DKK2: variants seen among roughly 807,000 people sequenced by gnomAD.
The protein encoded by DKK2 is dickkopf-related protein 2.
DKK2 carries 11 observed loss-of-function variants against 28.1 expected under a neutral mutation model. The ratio of observed to expected loss-of-function variants is 0.39; its 90% CI spans 0.25 to 0.65. DKK2 has a LOEUF of 0.65. Ranked by LOEUF, DKK2 falls within the 30% of genes least tolerant of loss-of-function variation. The pLI is 0.47. For synonymous variants in DKK2, 135 were observed against 126.5 expected, an observed-to-expected ratio of 1.07 and a Z score of -0.45; for missense variants, 326 against 335.5, an observed-to-expected ratio of 0.97 and a Z score of 0.22.
intron 1 of DKK2, among the ~76,000 whole-genome samples, chr4:106,967,864 A>G (rs1480997907): frequency 6.6e-6 from 1 of 151,292 alleles, no homozygotes; most frequent in East Asian, 1.9e-4. Context: ...CAAGGGAAGA[A>G]GGAGGGAAGC....
intron 1 of DKK2, among the ~76,000 whole-genome samples, chr4:106,967,634 G>C (rs1722802468): frequency 6.6e-6 from 1 of 152,060 alleles, no homozygotes; most frequent in Non-Finnish European, 1.5e-5. Flanking sequence ...TGTCTTCTCT[G>C]CCAGGGCTTT....
rs1723947023 is a variant in DKK2 at position 107,035,370 on chromosome 4, C to T, written c.222G>A (p.Gln74=). ...AGAATGTGTTTGGGGGTTTTCCTAC[C>T]TGCCCCAGGTTTTTGCCCTTCTTAC... ...GGSKKGKNLG[Q]AYPCSSDKEC... Residue 74 remains glutamine (Q), a splice_region_variant and synonymous_variant, in exon 1 of 4, where the codon CAG becomes CAA. Transcript: ENST00000285311. The T allele has an allele frequency of 6.2e-7, 1 of 1,613,990 alleles. No individual in the cohort carries two copies. Among genetic ancestry groups the T allele is most frequent in the Non-Finnish European group, 8.5e-7 (1 of 1,179,936 alleles).
chr4:106,951,800 A>C (rs762803617), intron 1 of DKK2, among the ~76,000 whole-genome samples: 2 of 152,158 alleles, frequency 1.3e-5, no homozygotes, highest in Non-Finnish European at 2.9e-5. Context: ...TCAGGGGCTT[A>C]ATTATTCTTT....
At chr4:106,998,812 AT>A (rs1270737203) in intron 1 of DKK2, among the ~76,000 whole-genome samples, 1 of 152,198 alleles carries the variant, frequency 6.6e-6, no homozygotes, top group Non-Finnish European at 1.5e-5. Context: ...TATTAGGAAG[AT>A]TACATCTAAA....
chr4:106,951,557 A>C (rs1222283906), intron 1 of DKK2, among the ~76,000 whole-genome samples: 1 of 152,204 alleles, frequency 6.6e-6, no homozygotes. Flanking sequence ...CTTTATGTTA[A>C]GTGAAATAAG....
intron 1 of DKK2, among the ~76,000 whole-genome samples, chr4:106,935,043 A>G (rs1451390946): frequency 2.0e-5 from 3 of 152,046 alleles, no homozygotes; most frequent in Non-Finnish European, 2.9e-5. Flanking sequence ...GGATTGCTCA[A>G]CAGTGATCAC....
intron 1 of DKK2, among the ~76,000 whole-genome samples, chr4:106,995,681 C>T (rs1020096329): frequency 4.6e-5 from 7 of 152,162 alleles, no homozygotes; most frequent in African/African-American, 7.2e-5. Context: ...GGCGCGATCT[C>T]GGCTCACTGC....
intron 1 of DKK2, 125 bp from the exon 2 acceptor site, chr4:106,926,074 A>G: frequency 9.7e-7 from 1 of 1,031,924 alleles, no homozygotes; most frequent in Admixed American, 3.3e-5. Context: ...GAACTATACC[A>G]TCATCATAAT....
intron 1 of DKK2, among the ~76,000 whole-genome samples, chr4:107,009,071 G>A (rs1057409138): frequency 6.6e-6 from 1 of 151,928 alleles, no homozygotes; most frequent in Non-Finnish European, 1.5e-5. Context: ...AAGGGTTACT[G>A]TGATAGAACC....
chr4:106,981,300 T>C (rs777866281), intron 1 of DKK2, among the ~76,000 whole-genome samples: 6 of 152,230 alleles, frequency 3.9e-5, no homozygotes, highest in Non-Finnish European at 7.4e-5. Flanking sequence ...TTCTAGCCTT[T>C]AATTGGGAAA....
chr4:106,960,950 T>C (rs1246541361), intron 1 of DKK2, among the ~76,000 whole-genome samples: 2 of 152,150 alleles, frequency 1.3e-5, no homozygotes, highest in Admixed American at 6.6e-5. Flanking sequence ...AATAGTAAAA[T>C]TATATTGTCA....
At chr4:106,978,826 T>A (rs1463049360) in intron 1 of DKK2, among the ~76,000 whole-genome samples, 1 of 151,498 alleles carries the variant, frequency 6.6e-6, no homozygotes, top group South Asian at 2.1e-4. Flanking sequence ...CTCCTGCAGC[T>A]AGCTCAGTGT....
At position 107,035,900 on chromosome 4, in the gene DKK2, C is replaced by T; in HGVS notation, c.-309G>A. On this transcript the variant is annotated 5_prime_UTR_variant, in exon 1 of 4. Transcript: ENST00000285311. ...TGACCCAAGGTGCAAGAAAACCCAG[C>T]CCTGTGGATCGCACCGCTTCCGTTC... 2.4e-6 allele frequency: 1 copy of T among 415,990 alleles called. No homozygotes were observed. Among genetic ancestry groups the T allele is most frequent in the East Asian group, 4.8e-5 (1 of 20,726 alleles). The allele number at this position is 415,990 out of a possible 1,614,324, so 25.8% of individuals were successfully genotyped here.
chr4:106,926,126 C>T (rs1724422890), intron 1 of DKK2, among the ~76,000 whole-genome samples, 177 bp from the exon 2 acceptor site: 1 of 151,988 alleles, frequency 6.6e-6, no homozygotes, highest in African/African-American at 2.4e-5. Context: ...TAATTGAGGA[C>T]CTTATAAATA....
chr4:107,021,689 A>C (rs1723694777), intron 1 of DKK2, among the ~76,000 whole-genome samples: 1 of 152,062 alleles, frequency 6.6e-6, no homozygotes, highest in Non-Finnish European at 1.5e-5. Flanking sequence ...AATATTTCTT[A>C]AGTGATTTGA....
chr4:106,971,431 A>C (rs1722867142), intron 1 of DKK2, among the ~76,000 whole-genome samples: 1 of 152,106 alleles, frequency 6.6e-6, no homozygotes, highest in Admixed American at 6.6e-5. Context: ...CTGTAAGATT[A>C]ATGACACTCT....
chr4:106,955,950 A>C (rs958185362), intron 1 of DKK2, among the ~76,000 whole-genome samples: 1 of 152,028 alleles, frequency 6.6e-6, no homozygotes, highest in East Asian at 1.9e-4. Context: ...CATTGATCTC[A>C]TTTTACCATA....
chr4:106,966,821 C>G (rs1722787635), intron 1 of DKK2, among the ~76,000 whole-genome samples: 1 of 152,162 alleles, frequency 6.6e-6, no homozygotes, highest in Non-Finnish European at 1.5e-5. Flanking sequence ...GAGACTCATT[C>G]ACTATCACGA....
intron 1 of DKK2, among the ~76,000 whole-genome samples, chr4:106,930,967 A>G (rs1223360314): frequency 6.6e-6 from 1 of 152,188 alleles, no homozygotes; most frequent in Non-Finnish European, 1.5e-5. Flanking sequence ...GATATTCTAC[A>G]TGATAGATCT....
Sources: gnomAD v4.1 joint callset for allele counts (sites outside exome capture counted in the v4.1 genomes callset) on GRCh38, gnomAD v4.1.1 for gene constraint, MANE v1.5 for transcripts, NCBI Gene and HGNC (gene_info 2026-07-23, HGNC 2026-07-21) for gene names.